Variants in TRIM5 observed in about 807,000 individuals in gnomAD.
TRIM5 encodes the protein tripartite motif-containing protein 5.
A neutral mutation model predicts 35.6 loss-of-function variants in TRIM5; 31 were observed. That is an observed-to-expected ratio of 0.87 (90% CI 0.65 to 1.18). The LOEUF (loss-of-function observed/expected upper bound fraction) is 1.18, where lower values mean the gene tolerates loss of function less well. Among genes scored for constraint, TRIM5 ranks in the 50% most tolerant of loss-of-function variants. The pLI is 0.00. For synonymous variants in TRIM5, 243 were observed against 215.6 expected (o/e 1.13, Z -1.11); for missense variants, 609 against 591.6 (o/e 1.03, Z -0.31).
At chr11:5,610,845 A>G in the TRIM5 span, 844 of 1,614,186 alleles carry the variant, frequency 5.2e-4, 2 homozygotes, top group African/African-American at 0.011. Flanking sequence ...GAGACAAGTG[A>G]GGTTTGTGGG....
At chr11:5,620,135 G>A in the TRIM5 span, 1 of 128,798 alleles carries the variant, frequency 7.8e-6, no homozygotes, top group East Asian at 2.3e-4. Context: ...TTGATTTTTA[G>A]TTGGTTTAGC....
the TRIM5 span, among the ~76,000 whole-genome samples, chr11:5,637,580 A>T: frequency 2.0e-5 from 3 of 152,276 alleles, no homozygotes; most frequent in South Asian, 6.2e-4. Flanking sequence ...TATTATTTAA[A>T]ATTTTTTTTC....
chr11:5,665,944 A>C, intron 6 of TRIM5, 37 bp downstream of exon 6: 2 of 1,577,698 alleles, frequency 1.3e-6, no homozygotes, highest in Non-Finnish European at 1.7e-6. Context: ...ACACCACTTG[A>C]ATTCCATAAC....
At chr11:5,634,726 GGAA>G in the TRIM5 span, 33 of 1,614,048 alleles carry the variant, frequency 2.0e-5, no homozygotes, top group Admixed American at 2.3e-4. Context: ...TGCAAAGATT[GGAA>G]GAAGAAGAAA....
At chr11:5,598,814 T>C in the TRIM5 span, among the ~76,000 whole-genome samples, 124 of 152,354 alleles carry the variant, frequency 8.1e-4, no homozygotes, top group African/African-American at 2.5e-3. Context: ...TATTGAGTTC[T>C]ATCTAGTAAG....
chr11:5,595,177 TTCTC>T, the TRIM5 span: 3 of 152,188 alleles, frequency 2.0e-5, no homozygotes, highest in Admixed American at 2.0e-4. Context: ...CCCCAGTCCC[TTCTC>T]TCTCTATACC....
chr11:5,654,162 T>C, the TRIM5 span, among the ~76,000 whole-genome samples: 1 of 47,870 alleles, frequency 2.1e-5, no homozygotes, highest in African/African-American at 7.0e-5. Flanking sequence ...TTCATAGATA[T>C]TTTTTCCTTG....
At chr11:5,641,154 C>T in the TRIM5 span, 13 of 1,611,460 alleles carry the variant, frequency 8.1e-6, no homozygotes, top group African/African-American at 1.3e-5. Context: ...CATGTTTTCT[C>T]TTTTCTTTCT....
At chr11:5,666,379 A>T (rs77008504) in intron 5 of TRIM5, 5 of 107,266 alleles carry the variant, frequency 4.7e-5, no homozygotes, top group South Asian at 5.8e-4. Flanking sequence ...CATAGGACAT[A>T]AAAAAAAAAA....
the TRIM5 span, among the ~76,000 whole-genome samples, chr11:5,637,399 C>A: frequency 2.4e-3 from 360 of 152,272 alleles, 3 homozygotes; most frequent in African/African-American, 8.2e-3. Flanking sequence ...GAAAGACGCT[C>A]AACTTGAAAA....
At chr11:5,643,553 C>G in the TRIM5 span, 2 of 1,614,146 alleles carry the variant, frequency 1.2e-6, no homozygotes, top group Non-Finnish European at 1.7e-6. Flanking sequence ...GGGTTTTCCT[C>G]GACTATGAAG....
At chr11:5,672,756 T>C (rs566573314) in intron 4 of TRIM5, among the ~76,000 whole-genome samples, 1 of 152,282 alleles carries the variant, frequency 6.6e-6, no homozygotes, top group South Asian at 2.1e-4. Flanking sequence ...TATATGCATG[T>C]GAGATATATG....
chr11:5,615,006 A>G, the TRIM5 span, among the ~76,000 whole-genome samples: 1 of 152,050 alleles, frequency 6.6e-6, no homozygotes, highest in South Asian at 2.1e-4. Flanking sequence ...TCAAGATTCT[A>G]TTTTCCCTTT....
At chr11:5,666,321 C>A in intron 5 of TRIM5, 1 of 579,930 alleles carries the variant, frequency 1.7e-6, no homozygotes, top group Non-Finnish European at 3.2e-6. Flanking sequence ...ACAGTTTCTT[C>A]CTTCTAAAAT....
downstream of TRIM5, among the ~76,000 whole-genome samples, chr11:5,659,396 C>T (rs1004598074): frequency 1.3e-5 from 2 of 152,172 alleles, no homozygotes; most frequent in Non-Finnish European, 2.9e-5. Flanking sequence ...AGCTTTATAA[C>T]TCAGTGTCTT....
chr11:5,597,387 A>G, the TRIM5 span, among the ~76,000 whole-genome samples: 2 of 152,232 alleles, frequency 1.3e-5, no homozygotes, highest in African/African-American at 4.8e-5. Context: ...TTTTTAAATT[A>G]TAGGTTTCTG....
intron 1 of TRIM5, among the ~76,000 whole-genome samples, chr11:5,682,779 A>G (rs4514451): frequency 0.53 from 80,917 of 152,186 alleles, 21,541 homozygotes; most frequent in African/African-American, 0.53. Flanking sequence ...AGGTGACAGC[A>G]TGCTGGCAGT....
rs527419832 is a variant in TRIM5, at chr11:5,678,245, G to T, written c.703C>A (p.Leu235Met). The change falls in exon 4 of 8, where the codon CTG becomes ATG. Residue 235 changes from leucine to methionine, a missense_variant. By Grantham distance (15) the Leu-to-Met change is conservative (BLOSUM62 2). Transcript: ENST00000380034. ...TQSLRELISDLEHRLQGSVME... is the reference protein window; with the variant it reads ...TQSLRELISDMEHRLQGSVME... Reference sequence around the variant, plus strand: ...ACTGACCCCTGCAGCCGATGCTCCAGATCTGAGATGAGCTCTCTCAGGGAC... The same window carrying T: ...ACTGACCCCTGCAGCCGATGCTCCATATCTGAGATGAGCTCTCTCAGGGAC... The T allele has an allele frequency of 2.5e-6, 4 of 1,614,008 alleles. No homozygotes were observed. The South Asian group carries it at 4.4e-5, about 18-fold the overall frequency.
At chr11:5,614,824 T>C in the TRIM5 span, among the ~76,000 whole-genome samples, 1 of 152,200 alleles carries the variant, frequency 6.6e-6, no homozygotes, top group Non-Finnish European at 1.5e-5. Context: ...AACTGACATA[T>C]AATACATTTC....
Sources: gnomAD v4.1 joint callset for allele counts (sites outside exome capture counted in the v4.1 genomes callset) on GRCh38, gnomAD v4.1.1 for gene constraint, MANE v1.5 for transcripts, NCBI Gene and HGNC (gene_info 2026-07-23, HGNC 2026-07-21) for gene names.